CMTM8: variants seen among roughly 807,000 people sequenced by gnomAD.
CMTM8 encodes CKLF like MARVEL transmembrane domain containing 8.
Under a neutral mutation model 18.6 loss-of-function variants are expected in CMTM8, and 12 were observed. The observed-to-expected ratio is 0.65, with a 90% CI of 0.41 to 1.05. The LOEUF (loss-of-function observed/expected upper bound fraction) is 1.05. Among genes scored for constraint, CMTM8 ranks in the 50% least tolerant of loss-of-function variants. The probability of loss-of-function intolerance (pLI) is 0.00; values close to 1 mark genes in which losing one functional copy is unlikely to be tolerated. For synonymous variants in CMTM8, 87 were observed against 90.6 expected (o/e 0.96, Z 0.23); for missense variants, 217 against 227.2 (o/e 0.95, Z 0.29).
intron 1 of CMTM8, among the ~76,000 whole-genome samples, chr3:32,276,694 T>A (rs1372330954): frequency 6.6e-6 from 1 of 152,136 alleles, no homozygotes; most frequent in South Asian, 2.1e-4. Context: ...CGTCAATGGT[T>A]CCCACAAAAT....
chr3:32,255,434 T>C (rs1281803118), intron 1 of CMTM8, among the ~76,000 whole-genome samples: 1 of 152,196 alleles, frequency 6.6e-6, no homozygotes, highest in African/African-American at 2.4e-5. Flanking sequence ...TTGGCAGTCA[T>C]CTTAAGATTC....
At chr3:32,295,473 A>C (rs1485047967) in intron 1 of CMTM8, among the ~76,000 whole-genome samples, 6 of 139,184 alleles carry the variant, frequency 4.3e-5, no homozygotes, top group East Asian at 2.0e-4. Flanking sequence ...AAAAAAAAAA[A>C]AAAAACAAAA....
At chr3:32,339,622 G>A (rs1322143768) in intron 1 of CMTM8, among the ~76,000 whole-genome samples, 1 of 152,218 alleles carries the variant, frequency 6.6e-6, no homozygotes, top group East Asian at 1.9e-4. Context: ...GCTTGTTGAT[G>A]CTCCACACAG....
intron 1 of CMTM8, among the ~76,000 whole-genome samples, chr3:32,352,664 G>A (rs1010888366): frequency 3.9e-5 from 6 of 152,210 alleles, no homozygotes; most frequent in South Asian, 2.1e-4. Flanking sequence ...GGATGATAGA[G>A]ATCAGGGCAA....
intron 1 of CMTM8, among the ~76,000 whole-genome samples, chr3:32,322,085 T>G (rs927794746): frequency 6.6e-6 from 1 of 152,168 alleles, no homozygotes; most frequent in African/African-American, 2.4e-5. Context: ...GGAATTCCCT[T>G]CTCATGGGAG....
chr3:32,348,648 G>A (rs1696648292), intron 1 of CMTM8, among the ~76,000 whole-genome samples: 1 of 149,816 alleles, frequency 6.7e-6, no homozygotes, highest in Non-Finnish European at 1.5e-5. Context: ...ACAGGCACGT[G>A]CCATCACACC....
At chr3:32,329,737 T>C (rs1296931659) in intron 1 of CMTM8, among the ~76,000 whole-genome samples, 4 of 152,166 alleles carry the variant, frequency 2.6e-5, no homozygotes, top group Non-Finnish European at 4.4e-5. Flanking sequence ...ACCACCTCTA[T>C]TCAACATAAG....
chr3:32,330,312 C>CA (rs1696247856), intron 1 of CMTM8, among the ~76,000 whole-genome samples: 2 of 150,928 alleles, frequency 1.3e-5, no homozygotes. Context: ...AAGCCACAGG[C>CA]CCCATGCTTC....
At chr3:32,259,200 C>A in intron 1 of CMTM8, 1 of 509,778 alleles carries the variant, frequency 2.0e-6, no homozygotes, top group Non-Finnish European at 3.7e-6. Context: ...GGAAGGAGAC[C>A]ACGCACAGCC....
intron 1 of CMTM8, among the ~76,000 whole-genome samples, chr3:32,308,561 G>C (rs1695759944): frequency 6.6e-6 from 1 of 152,144 alleles, no homozygotes; most frequent in African/African-American, 2.4e-5. Flanking sequence ...CATCGTTCAT[G>C]AGTTCAGCAT....
At chr3:32,276,617 A>G (rs1430400294) in intron 1 of CMTM8, among the ~76,000 whole-genome samples, 1 of 152,046 alleles carries the variant, frequency 6.6e-6, no homozygotes, top group Non-Finnish European at 1.5e-5. Context: ...TGTTCTTTGG[A>G]GGGGAGTATT....
At chr3:32,275,644 C>CT (rs771943263) in intron 1 of CMTM8, among the ~76,000 whole-genome samples, 22,409 of 77,914 alleles carry the variant, frequency 0.29, 3,930 homozygotes, top group African/African-American at 0.36. Context: ...CATGTACTTC[C>CT]TTTTTTTTTT....
chr3:32,275,344 A>G (rs1280383873), intron 1 of CMTM8, among the ~76,000 whole-genome samples: 2 of 152,158 alleles, frequency 1.3e-5, no homozygotes, highest in Admixed American at 6.5e-5. Context: ...TTGGAGACAA[A>G]CAGACTTGGC....
chr3:32,259,860 T>A, intron 1 of CMTM8: 1 of 847,130 alleles, frequency 1.2e-6, no homozygotes, highest in Non-Finnish European at 2.0e-6. Context: ...TCCTTGGAGA[T>A]TGACCTGGAC....
intron 1 of CMTM8, among the ~76,000 whole-genome samples, chr3:32,345,753 A>G (rs1696584157): frequency 6.6e-6 from 1 of 152,266 alleles, no homozygotes; most frequent in African/African-American, 2.4e-5. Flanking sequence ...GTTCTGGAAG[A>G]CGGTTCTGGA....
intron 2 of CMTM8, among the ~76,000 whole-genome samples, chr3:32,366,724 T>C (rs6550122): frequency 0.55 from 84,207 of 151,730 alleles, 23,629 homozygotes; most frequent in East Asian, 0.75. Flanking sequence ...ATAATACCAG[T>C]AAGAGCTTTT....
At chr3:32,271,761 G>A (rs891792163) in intron 1 of CMTM8, among the ~76,000 whole-genome samples, 7 of 152,060 alleles carry the variant, frequency 4.6e-5, no homozygotes, top group African/African-American at 1.7e-4. Context: ...TAGATCTTTA[G>A]CTGTCTTAAC....
At chr3:32,255,383 CT>C (rs1319640015) in intron 1 of CMTM8, among the ~76,000 whole-genome samples, 1 of 152,140 alleles carries the variant, frequency 6.6e-6, no homozygotes, top group Non-Finnish European at 1.5e-5. Context: ...TTTACAATCC[CT>C]GTACTACTTT....
At chr3:32,329,574 T>C (rs1039208291) in intron 1 of CMTM8, among the ~76,000 whole-genome samples, 2 of 152,190 alleles carry the variant, frequency 1.3e-5, no homozygotes, top group African/African-American at 2.4e-5. Flanking sequence ...CAACACCGTT[T>C]CATGATAAAA....
Sources: allele counts gnomAD v4.1 joint callset (sites outside exome capture counted in the v4.1 genomes callset), GRCh38; gene constraint gnomAD v4.1.1; transcripts MANE v1.5; gene names NCBI Gene and HGNC (gene_info 2026-07-23, HGNC 2026-07-21).